The following ZNF777 variants were observed in gnomAD, a reference collection of about 807,000 sequenced individuals.
ZNF777 encodes the protein zinc finger protein 777.
A neutral mutation model predicts 72.1 loss-of-function variants in ZNF777; 7 were observed. That is an observed-to-expected ratio of 0.10 (90% CI 0.06 to 0.18). The LOEUF is 0.18. ZNF777 is among the 10% of genes least tolerant of loss of function. The pLI, the probability that ZNF777 is intolerant of heterozygous loss-of-function variation, is 1.00. For missense variants in ZNF777, 828 were observed against 1,128.6 expected, an observed-to-expected ratio of 0.73 and a Z score of 3.82; for synonymous variants, 545 against 483.5, an observed-to-expected ratio of 1.13 and a Z score of -1.67.
Position 149,432,698 on chromosome 7 carries a change from T to C in ZNF777, c.1574A>G (p.His525Arg), listed in dbSNP as rs769524003. The change falls in exon 6 of 6, where the codon CAC (histidine) becomes CGC (arginine). Residue 525 changes from histidine (H) to arginine (R), a missense_variant. By Grantham distance (29) the His-to-Arg change is conservative. Transcript: ENST00000247930. ...RLAPSVHGER[H>R]LSENRGASSQ... ...CGAGGCCCCGCGGTTCTCGCTCAGG[T>C]GCCGCTCACCGTGCACGGAGGGCGC... The C allele has an allele frequency of 6.2e-7, 1 of 1,612,684 alleles. No homozygotes were observed. The highest frequency in any genetic ancestry group is 1.3e-5 in the African/African-American group (1 of 74,886).
In ZNF777 at chr7:149,455,068, G is replaced by GTT; in HGVS notation, c.846+108_846+109insAA. 7.3e-7 allele frequency: 1 copy of GTT among 1,361,422 alleles called. No individual in the cohort carries two copies. Among genetic ancestry groups the GTT allele is most frequent in the African/African-American group, 1.4e-5 (1 of 68,992 alleles). 84.3% of individuals were successfully genotyped at this position (1,361,422 alleles called of 1,614,324 possible). A position where few individuals can be genotyped will look rare whatever the true frequency, so the allele number is the denominator to read the frequency against. On this transcript the variant is annotated intron_variant, in intron 2 of 5. Coordinates refer to ENST00000247930, the MANE Select transcript of ZNF777 (RefSeq NM_015694.3). The surrounding 1 kb of genome is among the most constrained non-coding windows in gnomAD (Gnocchi z 4.2). ...GCATGTCCTAGCAACTGGGATCACT[G>GTT]TATTTTTTCCTTTATCAACCACCCC... is the stretch of plus-strand genomic sequence containing the variant.
At position 149,431,765 on chromosome 7, in the gene ZNF777, G is replaced by C. The variant is rs768265320; in HGVS notation, c.*11C>G. ...GCGCACCTGGCCGGGCGGCGGCGGC[G>C]GGGCGCGCGCTCACTCGCCCGTGTG... On this transcript the variant is annotated 3_prime_UTR_variant, in exon 6 of 6. Coordinates refer to ENST00000247930, the MANE Select transcript of ZNF777 (RefSeq NM_015694.3). 8.0e-6 allele frequency: 12 copies of C among 1,495,688 alleles called. No homozygotes were observed. In the East Asian group the frequency reaches 3.1e-4, roughly 39 times the overall value. 92.7% of individuals were successfully genotyped at this position (1,495,688 alleles called of 1,614,324 possible).
chr7:149,452,442 GAC>G (rs1388813103), intron 3 of ZNF777, among the ~76,000 whole-genome samples: 6 of 151,656 alleles, frequency 4.0e-5, no homozygotes, highest in African/African-American at 1.2e-4. Context: ...CATCCTGGCT[GAC>G]ACGGTAAAAC....
chr7:149,451,297 G>A (rs1799712654), intron 3 of ZNF777, among the ~76,000 whole-genome samples, 185 bp from the exon 4 acceptor site: 1 of 152,118 alleles, frequency 6.6e-6, no homozygotes, highest in Admixed American at 6.5e-5. Flanking sequence ...GGGTGTGTGT[G>A]TGTGGCGGGG....
intron 4 of ZNF777, among the ~76,000 whole-genome samples, chr7:149,438,368 G>C (rs1434314028): frequency 6.6e-6 from 1 of 152,146 alleles, no homozygotes; most frequent in African/African-American, 2.4e-5. Context: ...GGATAATACC[G>C]TGGCTTATTC....
At chr7:149,447,394 G>T (rs188921059) in intron 4 of ZNF777, among the ~76,000 whole-genome samples, 1 of 152,262 alleles carries the variant, frequency 6.6e-6, no homozygotes, top group East Asian at 1.9e-4. Context: ...GTCTCACAGG[G>T]ATCTCAAACC....
At position 149,432,816 on chromosome 7, in the gene ZNF777, T is replaced by C; in HGVS notation, c.1456A>G (p.Met486Val). Residue 486 changes from methionine to valine, a missense_variant, in exon 6 of 6, where the codon ATG (methionine) becomes GTG (valine). Physicochemically the swap from Met to Val is conservative, Grantham distance 21. Coordinates refer to ENST00000247930, the MANE Select transcript of ZNF777 (RefSeq NM_015694.3). The part of the protein sequence containing the change: ...GQLSGRYEAS[M>V]YQTPLPGEMS... ...TCCCCGGGCAGCGGGGTCTGGTACA[T>C]ACTGGCCTCATATCTCCCGGACAGC... is the stretch of plus-strand genomic sequence containing the variant. The C allele has an allele frequency of 1.2e-6, 2 of 1,603,362 alleles. No individual in the cohort carries two copies. The highest frequency in any genetic ancestry group is 1.7e-6 in the Non-Finnish European group (2 of 1,172,574).
chr7:149,450,234 A>C lies in ZNF777; in HGVS notation c.1087+765T>G, dbSNP rs77150555. Among the ~76,000 whole-genome samples the C allele has an allele frequency of 2.8e-3, 434 of 152,312 alleles. 3 individuals are homozygous for C. Among genetic ancestry groups the C allele is most frequent in the African/African-American group, 8.7e-3 (361 of 41,566 alleles). ...GGGCTTCAGAGAGCAACCATGCACC[A>C]CAAGAGCGCCTGCAGTGTGAGTGTG... On this transcript the variant is annotated intron_variant, in intron 4 of 5. Coordinates refer to ENST00000247930, the MANE Select transcript of ZNF777 (RefSeq NM_015694.3).
rs1173220287 is a variant in ZNF777 at position 149,436,136 on chromosome 7, AC to A, written c.1339+438del. Reference sequence around the variant, plus strand: ...ACAAAAATGAAGACTAGGTTCGACCACAGAATGCCGGTGCTATTGTTATTTG... The same window carrying A: ...ACAAAAATGAAGACTAGGTTCGACCAAGAATGCCGGTGCTATTGTTATTTG... On this transcript the variant is annotated intron_variant, in intron 5 of 5. Coordinates refer to ENST00000247930, the MANE Select transcript of ZNF777 (RefSeq NM_015694.3). The surrounding 1 kb of genome is among the most constrained non-coding windows in gnomAD (Gnocchi z 5.0). Among the ~76,000 whole-genome samples, 2 of 152,196 alleles carry A rather than the reference AC, an allele frequency of 1.3e-5. No individual in the cohort carries two copies. The highest frequency in any genetic ancestry group is 4.8e-5 in the African/African-American group (2 of 41,464).
At position 149,455,609 on chromosome 7, in the gene ZNF777, G is replaced by A. The variant is rs1799810854; in HGVS notation, c.414C>T (p.Asp138=). 1 of 1,607,698 alleles carries A rather than the reference G, an allele frequency of 6.2e-7. No homozygotes were observed. The highest frequency in any genetic ancestry group is 8.5e-7 in the Non-Finnish European group (1 of 1,177,384). Residue 138 remains aspartate (D), a synonymous_variant, in exon 2 of 6, where the codon GAC becomes GAT. Transcript: ENST00000247930. This position sits in a 1 kb window ranked among gnomAD's most constrained non-coding sequence, Gnocchi z 4.2. ...PVHSPEAPEK[D]PLTLSPTVPE... ...GAACTGTTGGGGAAAGGGTCAGGGG[G>A]TCTTTCTCAGGAGCTTCAGGGGAGT...
intron 3 of ZNF777, among the ~76,000 whole-genome samples, chr7:149,452,227 T>C (rs994275157): frequency 2.0e-5 from 3 of 151,042 alleles, no homozygotes; most frequent in African/African-American, 7.3e-5. Context: ...ATCGCGCCAC[T>C]GCACTCTAGC....
At chr7:149,453,074 C>G (rs543303036) in intron 3 of ZNF777, among the ~76,000 whole-genome samples, 1 of 152,302 alleles carries the variant, frequency 6.6e-6, no homozygotes, top group East Asian at 1.9e-4. Context: ...AGTAAACGGG[C>G]CCCTCTGTGC....
intron 3 of ZNF777, 57 bp from the exon 4 acceptor site, chr7:149,451,169 T>C: frequency 6.7e-7 from 1 of 1,486,468 alleles, no homozygotes; most frequent in Non-Finnish European, 9.3e-7. Context: ...CTGGATGTTG[T>C]TAAGGTATCA....
chr7:149,438,172 A>AT (rs1799450734), intron 4 of ZNF777, among the ~76,000 whole-genome samples: 1 of 151,040 alleles, frequency 6.6e-6, no homozygotes, highest in Admixed American at 6.6e-5. Context: ...AATTTTTTGT[A>AT]TTTTTAGTAG....
At position 149,446,222 on chromosome 7, in the gene ZNF777, C is replaced by G. The variant is rs150599637; in HGVS notation, c.1087+4777G>C. ...GATAAACCCCATCTCTACTAAAATA[C>G]AAAATTAGCCAGGTGTGGTGGCACA... On this transcript the variant is annotated intron_variant, in intron 4 of 5. Transcript: ENST00000247930. 5.1e-3 allele frequency among the ~76,000 whole-genome samples: 769 copies of G among 152,108 alleles called. 6 individuals are homozygous for G. Among genetic ancestry groups the G allele is most frequent in the Middle Eastern group, 0.034 (10 of 294 alleles).
At position 149,431,709 on chromosome 7, in the gene ZNF777, G is replaced by A; in HGVS notation, c.*67C>T. 2 of 1,204,548 alleles carry A rather than the reference G, an allele frequency of 1.7e-6. No homozygotes were observed. Among genetic ancestry groups the A allele is most frequent in the Non-Finnish European group, 2.1e-6 (2 of 965,116 alleles). 74.6% of individuals were successfully genotyped at this position (1,204,548 alleles called of 1,614,324 possible). ...CCCCGCCCCCGCCCGCTGGGCTCGG[G>A]CCTGGCGGTGTCCGAGGGGGGGCAC... is the stretch of plus-strand genomic sequence containing the variant. On this transcript the variant is annotated 3_prime_UTR_variant, in exon 6 of 6. Transcript: ENST00000247930.
chr7:149,438,762 C>T (rs1472978681), intron 4 of ZNF777, among the ~76,000 whole-genome samples: 1 of 152,180 alleles, frequency 6.6e-6, no homozygotes, highest in Non-Finnish European at 1.5e-5. Context: ...AGAAATCAGA[C>T]AAACTCATCA....
At position 149,455,738 on chromosome 7, in the gene ZNF777, G is replaced by A. The variant is rs758567594; in HGVS notation, c.285C>T (p.Gly95=). The change falls in exon 2 of 6, where the codon GGC becomes GGT. Residue 95 remains glycine (G), a synonymous_variant. Transcript: ENST00000247930. This position sits in a 1 kb window ranked among gnomAD's most constrained non-coding sequence, Gnocchi z 4.2. ...GGGTCCCTTCCTGGGAAGCCAGGGG[G>A]CCCTGGAGAGAAGTCTCTTGCTCAG... is the stretch of plus-strand genomic sequence containing the variant. ...AASEQETSLQ[G]PLASQEGTQY... 2 of 1,586,836 alleles carry A rather than the reference G, an allele frequency of 1.3e-6. No homozygotes were observed. Among genetic ancestry groups the A allele is most frequent in the African/African-American group, 2.7e-5 (2 of 73,862 alleles).
rs1799915638 is a variant in ZNF777 at position 149,460,010 on chromosome 7, G to C, written c.-16+805C>G. The C allele has an allele frequency of 1.0e-6, 1 of 970,034 alleles. No individual in the cohort carries two copies. The allele number at this position is 970,034 out of a possible 1,614,324, so 60.1% of individuals were successfully genotyped here. ...CGCCCCCACCCCCCGCGCCAACGTC[G>C]TAGCGTTTCTGCCCCTTACCGAGAT... On this transcript the variant is annotated intron_variant, in intron 1 of 5. Coordinates refer to ENST00000247930, the MANE Select transcript of ZNF777 (RefSeq NM_015694.3). This position sits in a 1 kb window ranked among gnomAD's most constrained non-coding sequence, Gnocchi z 6.1.
Sources: allele counts gnomAD v4.1 joint callset (sites outside exome capture counted in the v4.1 genomes callset), GRCh38; gene constraint gnomAD v4.1.1; non-coding constraint Gnocchi (gnomAD v3.1); transcripts MANE v1.5; gene names NCBI Gene and HGNC (gene_info 2026-07-23, HGNC 2026-07-21).